The following MYO9A variants were observed in gnomAD, a reference collection of about 807,000 sequenced individuals.
MYO9A encodes the protein unconventional myosin-IXa.
MYO9A carries 103 observed loss-of-function variants against 293.3 expected under a neutral mutation model. The ratio of observed to expected loss-of-function variants is 0.35; its 90% CI spans 0.30 to 0.41. MYO9A has a LOEUF of 0.41. Ranked by LOEUF, MYO9A falls within the 10% of genes least tolerant of loss-of-function variation. The pLI, the probability that MYO9A is intolerant of heterozygous loss-of-function variation, is 1.00. For missense variants in MYO9A, 2,685 were observed against 3,033.0 expected (o/e 0.89, Z 2.69); for synonymous variants, 1,001 against 1,035.7 (o/e 0.97, Z 0.64).
intron 29 of MYO9A, among the ~76,000 whole-genome samples, chr15:71,880,050 T>C (rs1302079729): frequency 6.6e-6 from 1 of 152,214 alleles, no homozygotes; most frequent in African/African-American, 2.4e-5. Flanking sequence ...TATGATTCTA[T>C]AGTTCTGTTA....
In MYO9A at chr15:71,951,698, C is replaced by G. The variant is rs780994140; in HGVS notation, c.2302+79G>C. On this transcript the variant is annotated intron_variant, in intron 15 of 41. Coordinates refer to ENST00000356056, the MANE Select transcript of MYO9A (RefSeq NM_006901.4). ...CCATGTTGCCCATACAATCTATATC[C>G]CACCCTGGTGTAGGATGCTCCTGGT... 5 of 1,572,036 alleles carry G rather than the reference C, an allele frequency of 3.2e-6. No homozygotes were observed. In the African/African-American group the frequency reaches 4.1e-5, roughly 13 times the overall value.
intron 37 of MYO9A, among the ~76,000 whole-genome samples, chr15:71,850,531 A>C (rs1466471986): frequency 6.6e-6 from 1 of 152,102 alleles, no homozygotes; most frequent in Non-Finnish European, 1.5e-5. Flanking sequence ...TTGGGAGGCC[A>C]ATGTGGGCAG....
rs181194979 is a variant in MYO9A, at chr15:71,842,417, G to A, written c.6837+6428C>T. Among the ~76,000 whole-genome samples, 84 of 151,940 alleles carry A rather than the reference G, an allele frequency of 5.5e-4. 2 individuals are homozygous for A. The highest frequency in any genetic ancestry group is 4.7e-3 in the Admixed American group (72 of 15,252). ...AAAAAATTAACTCATTTAATCCTAAGTTTGGTACTATTAACCAATTTATAG... is the reference window on the plus strand; with the variant it reads ...AAAAAATTAACTCATTTAATCCTAAATTTGGTACTATTAACCAATTTATAG... On this transcript the variant is annotated intron_variant, in intron 39 of 41. Coordinates refer to ENST00000356056, the MANE Select transcript of MYO9A (RefSeq NM_006901.4).
intron 18 of MYO9A, among the ~76,000 whole-genome samples, chr15:71,927,646 C>T (rs887486989): frequency 2.6e-5 from 4 of 151,996 alleles, no homozygotes; most frequent in Non-Finnish European, 1.5e-5. Flanking sequence ...CACATTTGGT[C>T]ACAGATGTAG....
chr15:71,978,787 T>TC (rs2076204013), intron 11 of MYO9A, among the ~76,000 whole-genome samples: 1 of 151,684 alleles, frequency 6.6e-6, no homozygotes, highest in South Asian at 2.1e-4. Flanking sequence ...CTTTTTTTTT[T>TC]TTTAAAGAAA....
At chr15:71,867,476 C>A (rs979263331) in intron 32 of MYO9A, among the ~76,000 whole-genome samples, 1 of 151,784 alleles carries the variant, frequency 6.6e-6, no homozygotes, top group African/African-American at 2.4e-5. Context: ...GGAAAACATA[C>A]TTTCAACTTA....
chr15:71,864,031 T>A (rs574816407), intron 32 of MYO9A, among the ~76,000 whole-genome samples: 1 of 152,290 alleles, frequency 6.6e-6, no homozygotes, highest in African/African-American at 2.4e-5. Flanking sequence ...GAAAAAAAGA[T>A]AAACCACAGA....
intron 20 of MYO9A, 144 bp from the exon 21 acceptor site, chr15:71,904,183 C>A: frequency 1.5e-6 from 1 of 652,474 alleles, no homozygotes; most frequent in Non-Finnish European, 2.6e-6. Context: ...TATATTAAGG[C>A]AAGCTCACCT....
chr15:71,839,489 G>T (rs2055067689), intron 39 of MYO9A, among the ~76,000 whole-genome samples: 1 of 152,016 alleles, frequency 6.6e-6, no homozygotes, highest in Non-Finnish European at 1.5e-5. Flanking sequence ...GCTCACTGCA[G>T]CCTTGAACTC....
In MYO9A at chr15:71,878,148, C is replaced by T. The variant is rs1460168966; in HGVS notation, c.5823G>A (p.Gln1941=). The T allele has an allele frequency of 4.3e-6, 7 of 1,612,796 alleles. No homozygotes were observed. Among genetic ancestry groups the T allele is most frequent in the South Asian group, 2.2e-5 (2 of 90,890 alleles). ...QILEKTMRLE[Q]RDSLGESPVR... is the part of the protein sequence containing the mutation. ...CTGGAGATTCACCCAGTGAATCACG[C>T]TGCTCAAGCCTCATCGTCTTTTCCA... Residue 1941 remains glutamine, a synonymous_variant, in exon 31 of 42, where the codon CAG becomes CAA. Coordinates refer to ENST00000356056, the MANE Select transcript of MYO9A (RefSeq NM_006901.4).
rs773083646 is a variant in MYO9A at position 71,824,051 on chromosome 15, C to T, written c.*2529G>A. 6.6e-6 allele frequency: 1 copy of T among 152,180 alleles called. No homozygotes were observed. Among genetic ancestry groups the T allele is most frequent in the East Asian group, 1.9e-4 (1 of 5,190 alleles). The allele number at this position is 152,180 out of a possible 1,614,324, so 9.4% of individuals were successfully genotyped here. ...TGATCAGGCCAACAAGGCCTACTAC[C>T]CTATGTAAACAACGGCTTTCCCTCA... On this transcript the variant is annotated 3_prime_UTR_variant, in exon 42 of 42. Transcript: ENST00000356056.
intron 20 of MYO9A, among the ~76,000 whole-genome samples, chr15:71,904,692 C>G (rs1171413350): frequency 6.6e-6 from 1 of 152,032 alleles, no homozygotes; most frequent in East Asian, 1.9e-4. Context: ...TCTTTTCTGA[C>G]AGGACTTCAA....
At chr15:71,843,306 A>C (rs1342656866) in intron 39 of MYO9A, among the ~76,000 whole-genome samples, 3 of 151,976 alleles carry the variant, frequency 2.0e-5, no homozygotes, top group Non-Finnish European at 2.9e-5. Context: ...GCAGGCACCT[A>C]TAATCTCAGC....
intron 12 of MYO9A, among the ~76,000 whole-genome samples, chr15:71,975,200 T>G (rs1302313674): frequency 1.3e-5 from 2 of 152,148 alleles, no homozygotes; most frequent in African/African-American, 2.4e-5. Flanking sequence ...AATGACTGAA[T>G]GGGATTCTAG....
At position 71,825,068 on chromosome 15, in the gene MYO9A, C is replaced by CT. The variant is rs1251437386; in HGVS notation, c.*1511dup. On this transcript the variant is annotated 3_prime_UTR_variant, in exon 42 of 42. Transcript: ENST00000356056. ...TAGCAAGACAAGATGCATTTAGTAA[C>CT]TTTAAAAATAAACATTTCACATACT... 2 of 152,214 alleles carry CT rather than the reference C, an allele frequency of 1.3e-5. No individual in the cohort carries two copies. The highest frequency in any genetic ancestry group is 4.8e-5 in the African/African-American group (2 of 41,460). 9.4% of individuals were successfully genotyped at this position (152,214 alleles called of 1,614,324 possible).
intron 16 of MYO9A, among the ~76,000 whole-genome samples, chr15:71,937,675 C>T (rs1475890669): frequency 6.6e-6 from 1 of 151,958 alleles, no homozygotes; most frequent in Non-Finnish European, 1.5e-5. Context: ...GAACCAGAAA[C>T]CCATATAGAT....
chr15:71,916,609 T>C lies in MYO9A; in HGVS notation c.2563-117A>G, dbSNP rs556798701. 23 of 982,238 alleles carry C rather than the reference T, an allele frequency of 2.3e-5. No homozygotes were observed. In the African/African-American group the frequency reaches 2.8e-4, roughly 12 times the overall value. The allele number at this position is 982,238 out of a possible 1,614,324, so 60.8% of individuals were successfully genotyped here. A position where few individuals can be genotyped will look rare whatever the true frequency, so the allele number is the denominator to read the frequency against. Reference sequence around the variant, plus strand: ...GACCATTTCCCATCTTAAATGACTGTAGTGAATATGAAAGACTGATATCCA... The same window carrying C: ...GACCATTTCCCATCTTAAATGACTGCAGTGAATATGAAAGACTGATATCCA... On this transcript the variant is annotated intron_variant, in intron 18 of 41. Transcript: ENST00000356056.
chr15:72,103,318 A>AAGCAGCAGC (rs150918805), intron 1 of MYO9A, among the ~76,000 whole-genome samples: 1 of 143,678 alleles, frequency 7.0e-6, no homozygotes, highest in Non-Finnish European at 1.5e-5. Context: ...AAGCAGCAGC[A>AAGCAGCAGC]AGCAGCAGCA....
At chr15:71,944,381 A>T (rs955316167) in intron 15 of MYO9A, among the ~76,000 whole-genome samples, 22 of 152,046 alleles carry the variant, frequency 1.4e-4, no homozygotes, top group African/African-American at 5.3e-4. Flanking sequence ...TTCCTTTTAT[A>T]TTCATGCTCT....
Sources: allele counts gnomAD v4.1 joint callset (sites outside exome capture counted in the v4.1 genomes callset), GRCh38; gene constraint gnomAD v4.1.1; transcripts MANE v1.5; gene names NCBI Gene and HGNC (gene_info 2026-07-23, HGNC 2026-07-21).